Variants in GRXCR2 observed in about 807,000 individuals in gnomAD.
GRXCR2 encodes glutaredoxin and cysteine rich domain containing 2.
A neutral mutation model predicts 24.8 loss-of-function variants in GRXCR2; 23 were observed. The observed-to-expected ratio is 0.93, with a 90% CI of 0.67 to 1.32. The LOEUF (loss-of-function observed/expected upper bound fraction) is 1.32, where lower values mean the gene tolerates loss of function less well. Among genes scored for constraint, GRXCR2 ranks in the 40% most tolerant of loss-of-function variants. The pLI, the probability that GRXCR2 is intolerant of heterozygous loss-of-function variation, is 0.00. For missense variants in GRXCR2, 315 were observed against 303.4 expected (o/e 1.04, Z -0.28); for synonymous variants, 130 against 116.1 (o/e 1.12, Z -0.77).
intron 2 of GRXCR2, among the ~76,000 whole-genome samples, chr5:145,901,197 C>T (rs950817282): frequency 6.6e-6 from 1 of 151,846 alleles, no homozygotes; most frequent in Non-Finnish European, 1.5e-5. Flanking sequence ...CTATTGCATA[C>T]TATGTTCAGT....
intron 2 of GRXCR2, among the ~76,000 whole-genome samples, chr5:145,888,989 C>A (rs553051500): frequency 6.6e-6 from 1 of 151,904 alleles, no homozygotes; most frequent in African/African-American, 2.4e-5. Flanking sequence ...GCCTAGCCAA[C>A]ATGGTGAAAC....
Position 145,866,543 on chromosome 5 carries a change from C to A in GRXCR2, c.522G>T (p.Leu174Phe). The change falls in exon 2 of 3, where the codon TTG becomes TTT. Residue 174 changes from leucine to phenylalanine, a missense_variant. Leu to Phe is a conservative substitution (Grantham distance 22). Coordinates refer to ENST00000377976, the MANE Select transcript of GRXCR2 (RefSeq NM_001080516.2). ...YGGRDQHDRP[L>F]VEAESTLPQN... is the part of the protein sequence containing the mutation. ...GGGGTAATGTGCTTTCTGCCTCCAC[C>A]AAAGGTCTATCGTGCTGGTCCCTGC... The A allele has an allele frequency of 6.2e-7, 1 of 1,614,120 alleles. No individual in the cohort carries two copies. Among genetic ancestry groups the A allele is most frequent in the Non-Finnish European group, 8.5e-7 (1 of 1,179,996 alleles).
chr5:145,875,017 T>C (rs112750382), upstream of GRXCR2, among the ~76,000 whole-genome samples: 1,249 of 152,320 alleles, frequency 8.2e-3, 13 homozygotes, highest in African/African-American at 0.029. Flanking sequence ...GCCATGGGAC[T>C]TTCGGACCTA....
intron 2 of GRXCR2, among the ~76,000 whole-genome samples, chr5:145,912,692 T>A (rs1000721086): frequency 1.3e-5 from 2 of 152,036 alleles, no homozygotes; most frequent in Non-Finnish European, 2.9e-5. Flanking sequence ...AATAGCAAGA[T>A]GAGGCCTATG....
intron 2 of GRXCR2, among the ~76,000 whole-genome samples, chr5:145,926,730 T>C (rs1422254212): frequency 3.9e-5 from 6 of 152,232 alleles, no homozygotes; most frequent in South Asian, 2.1e-4. Context: ...TGGTTCCATA[T>C]GAACTTCAAA....
chr5:145,891,935 C>A (rs561216536), intron 2 of GRXCR2, among the ~76,000 whole-genome samples: 2 of 152,284 alleles, frequency 1.3e-5, no homozygotes, highest in East Asian at 1.9e-4. Context: ...TGAGACAAAA[C>A]TTCCAGAGGA....
chr5:145,869,559 C>CTCT (rs1284776001), intron 1 of GRXCR2, among the ~76,000 whole-genome samples: 5 of 137,540 alleles, frequency 3.6e-5, no homozygotes, highest in African/African-American at 1.1e-4. Flanking sequence ...CTCTCTCTCT[C>CTCT]TTTTTTTTTT....
At chr5:145,867,239 G>C (rs550926421) in intron 1 of GRXCR2, among the ~76,000 whole-genome samples, 75 of 152,238 alleles carry the variant, frequency 4.9e-4, no homozygotes, top group African/African-American at 1.7e-3. Flanking sequence ...AGATGCTATA[G>C]TTTCCACATT....
chr5:145,858,316 C>CAAAAAA (rs139918161), downstream of GRXCR2, among the ~76,000 whole-genome samples: 91 of 121,242 alleles, frequency 7.5e-4, 2 homozygotes, highest in African/African-American at 8.6e-4. Flanking sequence ...CTGTCTCCCA[C>CAAAAAA]AAAAAAAAAA....
At chr5:145,915,582 C>T (rs190277709) in intron 2 of GRXCR2, among the ~76,000 whole-genome samples, 3 of 152,100 alleles carry the variant, frequency 2.0e-5, no homozygotes, top group Admixed American at 1.3e-4. Context: ...GTCAGATGTT[C>T]GAGACCAGCC....
upstream of GRXCR2, among the ~76,000 whole-genome samples, chr5:145,873,649 C>G (rs1756568208): frequency 6.6e-6 from 1 of 152,214 alleles, no homozygotes; most frequent in Admixed American, 6.5e-5. Context: ...GTCCTAGATA[C>G]AGTGGAGGTT....
chr5:145,893,430 G>A (rs1244293672), intron 2 of GRXCR2, among the ~76,000 whole-genome samples: 4 of 152,256 alleles, frequency 2.6e-5, no homozygotes, highest in Admixed American at 2.6e-4. Context: ...ATAAAGGGAT[G>A]GAGGAAGAAC....
chr5:145,866,881 C>G (rs1423616176), intron 1 of GRXCR2, among the ~76,000 whole-genome samples, 153 bp from the exon 2 acceptor site: 4 of 152,070 alleles, frequency 2.6e-5, no homozygotes, highest in African/African-American at 4.8e-5. Context: ...CAGTTCATTC[C>G]CTGGTCTGTT....
chr5:145,921,113 C>T (rs1256060380), intron 2 of GRXCR2, among the ~76,000 whole-genome samples: 1 of 152,222 alleles, frequency 6.6e-6, no homozygotes, highest in African/African-American at 2.4e-5. Context: ...ATTTAATTCT[C>T]AACAAAAACC....
intron 2 of GRXCR2, among the ~76,000 whole-genome samples, chr5:145,893,499 C>A (rs1240460967): frequency 6.6e-6 from 1 of 152,146 alleles, no homozygotes; most frequent in Non-Finnish European, 1.5e-5. Flanking sequence ...TCTGATGAAA[C>A]AGACTTTAAA....
At chr5:145,871,476 C>T (rs1156381663) in intron 1 of GRXCR2, among the ~76,000 whole-genome samples, 1 of 152,108 alleles carries the variant, frequency 6.6e-6, no homozygotes. Flanking sequence ...ATGGGAATGA[C>T]CATACTTTGG....
chr5:145,925,701 C>A (rs1030080986), intron 2 of GRXCR2, among the ~76,000 whole-genome samples: 5 of 152,108 alleles, frequency 3.3e-5, no homozygotes, highest in African/African-American at 1.2e-4. Context: ...TTTATAAGAA[C>A]AAGTGAGTAA....
intron 2 of GRXCR2, among the ~76,000 whole-genome samples, chr5:145,908,750 T>C (rs953383081): frequency 3.9e-5 from 6 of 152,220 alleles, no homozygotes; most frequent in African/African-American, 1.4e-4. Context: ...TCCAGTTCTT[T>C]GGCAATCATT....
chr5:145,888,999 C>A (rs573047959), intron 2 of GRXCR2, among the ~76,000 whole-genome samples: 4 of 151,892 alleles, frequency 2.6e-5, no homozygotes, highest in African/African-American at 7.2e-5. Context: ...CATGGTGAAA[C>A]CCTGTCTCTA....
Sources: gnomAD v4.1 joint callset for allele counts (sites outside exome capture counted in the v4.1 genomes callset) on GRCh38, gnomAD v4.1.1 for gene constraint, MANE v1.5 for transcripts, NCBI Gene and HGNC (gene_info 2026-07-23, HGNC 2026-07-21) for gene names.